The following CDK14 variants were observed in gnomAD, a reference collection of about 807,000 sequenced individuals.
CDK14 encodes the protein cyclin dependent kinase 14.
Under a neutral mutation model 60.7 loss-of-function variants are expected in CDK14, and 34 were observed. The observed-to-expected ratio is 0.56, with a 90% CI of 0.43 to 0.75. The LOEUF (loss-of-function observed/expected upper bound fraction) is 0.75. Ranked by LOEUF, CDK14 falls within the 30% of genes least tolerant of loss-of-function variation. The probability of loss-of-function intolerance (pLI) is 0.00; values close to 1 mark genes in which losing one functional copy is unlikely to be tolerated. For synonymous variants in CDK14, 197 were observed against 203.7 expected, an observed-to-expected ratio of 0.97 and a Z score of 0.28; for missense variants, 482 against 564.1, an observed-to-expected ratio of 0.85 and a Z score of 1.47.
intron 14 of CDK14, among the ~76,000 whole-genome samples, chr7:91,192,634 G>A (rs1380030674): frequency 6.6e-6 from 1 of 152,114 alleles, no homozygotes; most frequent in Non-Finnish European, 1.5e-5. Context: ...GCCGTGAGAA[G>A]CTCTCACAAT....
intron 5 of CDK14, among the ~76,000 whole-genome samples, chr7:90,832,608 TAA>T (rs899480745): frequency 5.9e-5 from 9 of 152,192 alleles, no homozygotes; most frequent in African/African-American, 9.7e-5. Context: ...TTTGAATTTT[TAA>T]AAGAGTCAAT....
chr7:90,791,212 A>T (rs1169336192), intron 5 of CDK14, among the ~76,000 whole-genome samples: 2 of 152,154 alleles, frequency 1.3e-5, no homozygotes, highest in Non-Finnish European at 2.9e-5. Context: ...TATTTGCTAC[A>T]TATAAGATTT....
intron 10 of CDK14, among the ~76,000 whole-genome samples, chr7:91,000,042 G>A (rs1562862809): frequency 6.6e-6 from 1 of 152,114 alleles, no homozygotes; most frequent in Non-Finnish European, 1.5e-5. Context: ...CTAAAGTGGT[G>A]ATTTTATTTA....
chr7:90,947,312 G>T (rs755364288), intron 8 of CDK14, among the ~76,000 whole-genome samples: 6 of 152,042 alleles, frequency 3.9e-5, no homozygotes, highest in Non-Finnish European at 7.4e-5. Flanking sequence ...GCTGGTCTAG[G>T]CTACCATCCA....
chr7:90,740,812 T>G (rs1212477984), intron 3 of CDK14, among the ~76,000 whole-genome samples: 1 of 152,224 alleles, frequency 6.6e-6, no homozygotes, highest in Non-Finnish European at 1.5e-5. Flanking sequence ...GTGCTGCTAG[T>G]TTTGTTTTCG....
intron 5 of CDK14, among the ~76,000 whole-genome samples, chr7:90,829,147 T>A (rs937466757): frequency 8.5e-5 from 13 of 152,162 alleles, no homozygotes; most frequent in African/African-American, 3.1e-4. Flanking sequence ...ACTACCCCCA[T>A]GTAATACCTA....
At chr7:90,699,525 T>A (rs1801738615) in intron 2 of CDK14, among the ~76,000 whole-genome samples, 1 of 152,212 alleles carries the variant, frequency 6.6e-6, no homozygotes. Context: ...TCCTTGAGTT[T>A]ACATTATTCT....
At chr7:90,718,827 G>A (rs1385571467) in intron 2 of CDK14, among the ~76,000 whole-genome samples, 4 of 152,076 alleles carry the variant, frequency 2.6e-5, no homozygotes, top group African/African-American at 9.7e-5. Flanking sequence ...TATAGATGAA[G>A]GCAGTTATCA....
chr7:91,041,393 A>G (rs1797086799), intron 10 of CDK14, among the ~76,000 whole-genome samples: 1 of 152,128 alleles, frequency 6.6e-6, no homozygotes, highest in South Asian at 2.1e-4. Flanking sequence ...CAGCTGCCCA[A>G]TCTTGACCTG....
intron 10 of CDK14, among the ~76,000 whole-genome samples, chr7:91,013,268 T>G (rs1796211800): frequency 6.6e-6 from 1 of 152,236 alleles, no homozygotes; most frequent in Admixed American, 6.5e-5. Context: ...TGATTTGTTC[T>G]TCAGTAGGAG....
At chr7:90,697,927 G>A (rs1057141263) in intron 2 of CDK14, among the ~76,000 whole-genome samples, 1 of 151,740 alleles carries the variant, frequency 6.6e-6, no homozygotes, top group Non-Finnish European at 1.5e-5. Flanking sequence ...AATTAGCTGG[G>A]CATGGTGGCG....
chr7:90,710,335 C>T (rs1470127259), intron 2 of CDK14: 7 of 983,604 alleles, frequency 7.1e-6, no homozygotes, highest in Non-Finnish European at 7.2e-6. Flanking sequence ...TTTTTTTTTG[C>T]CTGGCTGTGC....
At chr7:91,079,376 T>G in intron 11 of CDK14, 56 bp from the exon 12 acceptor site, 1 of 1,201,668 alleles carries the variant, frequency 8.3e-7, no homozygotes, top group Non-Finnish European at 1.2e-6. Context: ...TTCAACATAC[T>G]TGTAATATAT....
chr7:90,629,151 T>C (rs1186500882), intron 2 of CDK14, among the ~76,000 whole-genome samples: 1 of 152,168 alleles, frequency 6.6e-6, no homozygotes, highest in Admixed American at 6.6e-5. Context: ...ATGATAGTTA[T>C]TATTAATATT....
intron 7 of CDK14, among the ~76,000 whole-genome samples, chr7:90,902,539 A>G (rs932128536): frequency 6.6e-6 from 1 of 152,082 alleles, no homozygotes; most frequent in Non-Finnish European, 1.5e-5. Context: ...GTGCTGGAAA[A>G]ACTGGAAATC....
In CDK14 at chr7:91,182,084, A is replaced by C. The variant is rs138029907; in HGVS notation, c.*29-25081A>C. 3.8e-3 allele frequency among the ~76,000 whole-genome samples: 583 copies of C among 152,254 alleles called. 4 individuals carry two copies. Among genetic ancestry groups the C allele is most frequent in the African/African-American group, 0.013 (555 of 41,558 alleles). ...GTTTTCACTTACCCTTTCTGATCTT[A>C]AAATGATACCTCTTTCTACACACTG... On this transcript the variant is annotated intron_variant, in intron 14 of 14. Transcript: ENST00000380050.
chr7:91,141,865 A>G lies in CDK14; in HGVS notation c.*28+23657A>G, dbSNP rs553201242. The stretch of plus-strand genomic sequence containing the variant: ...TTTTGAGATGGAGTCTCACTCTGTC[A>G]CCCAGGCTGGAGTGCAGTGGCGTGA... On this transcript the variant is annotated intron_variant, in intron 14 of 14. Transcript: ENST00000380050. 9.9e-5 allele frequency among the ~76,000 whole-genome samples: 15 copies of G among 151,916 alleles called. 1 individual carries two copies. The South Asian group carries it at 3.1e-3, about 32-fold the overall frequency.
chr7:91,005,380 T>G (rs1795955101), intron 10 of CDK14, among the ~76,000 whole-genome samples: 1 of 152,216 alleles, frequency 6.6e-6, no homozygotes, highest in Non-Finnish European at 1.5e-5. Flanking sequence ...TAGCATCTTG[T>G]CAGCTGGCAG....
intron 12 of CDK14, among the ~76,000 whole-genome samples, chr7:91,089,716 C>T (rs554447154): frequency 3.9e-5 from 6 of 152,096 alleles, no homozygotes; most frequent in Non-Finnish European, 7.4e-5. Flanking sequence ...CTCTCTGCCA[C>T]GTTAGGTGTC....
Sources: allele counts gnomAD v4.1 joint callset (sites outside exome capture counted in the v4.1 genomes callset), GRCh38; gene constraint gnomAD v4.1.1; transcripts MANE v1.5; gene names NCBI Gene and HGNC (gene_info 2026-07-23, HGNC 2026-07-21).